MIPOL1: variants seen among roughly 807,000 people sequenced by gnomAD.
MIPOL1 encodes mirror-image polydactyly gene 1 protein.
A neutral mutation model predicts 60.9 loss-of-function variants in MIPOL1; 57 were observed. That is an observed-to-expected ratio of 0.94 (90% CI 0.76 to 1.17). MIPOL1 has a LOEUF of 1.17. Ranked by LOEUF, MIPOL1 falls within the 50% of genes most tolerant of loss-of-function variation. MIPOL1 has a pLI of 0.00. For synonymous variants in MIPOL1, 179 were observed against 168.8 expected (o/e 1.06, Z -0.47); for missense variants, 551 against 511.6 (o/e 1.08, Z -0.74).
At chr14:37,228,325 CTTT>C (rs397961053) in intron 1 of MIPOL1, among the ~76,000 whole-genome samples, 7 of 105,176 alleles carry the variant, frequency 6.7e-5, no homozygotes, top group East Asian at 2.7e-4. Flanking sequence ...TCTTTCTTTT[CTTT>C]TTTTTTTTTT....
intron 10 of MIPOL1, among the ~76,000 whole-genome samples, chr14:37,393,874 A>C (rs949453891): frequency 6.7e-6 from 1 of 150,100 alleles, no homozygotes; most frequent in Admixed American, 6.7e-5. Context: ...CAAGTCCCCA[A>C]AGTCCATTGT....
intron 12 of MIPOL1, among the ~76,000 whole-genome samples, chr14:37,515,215 C>A (rs1370244912): frequency 1.3e-5 from 2 of 151,666 alleles, no homozygotes; most frequent in African/African-American, 2.4e-5. Context: ...TGAAGCATAT[C>A]TTCTTTCTTC....
intron 10 of MIPOL1, among the ~76,000 whole-genome samples, chr14:37,415,536 G>A (rs989549454): frequency 2.6e-4 from 39 of 151,210 alleles, no homozygotes; most frequent in African/African-American, 7.5e-4. Context: ...GGCTGAGGCC[G>A]GAGAATGGCG....
At chr14:37,350,624 C>T (rs945018839) in intron 9 of MIPOL1, among the ~76,000 whole-genome samples, 2 of 152,050 alleles carry the variant, frequency 1.3e-5, no homozygotes, top group African/African-American at 4.8e-5. Context: ...TACAAGTTAT[C>T]ATTGATTATA....
At chr14:37,279,729 G>T (rs1427044421) in intron 6 of MIPOL1, among the ~76,000 whole-genome samples, 1 of 151,944 alleles carries the variant, frequency 6.6e-6, no homozygotes, top group Non-Finnish European at 1.5e-5. Context: ...TACATACATT[G>T]TGAAATGATC....
intron 10 of MIPOL1, chr14:37,399,917 A>G (rs1327617482): frequency 2.0e-5 from 3 of 152,152 alleles, no homozygotes; most frequent in African/African-American, 4.8e-5. Flanking sequence ...TTTACATCCC[A>G]TGGAGAAGTT....
intron 3 of MIPOL1, among the ~76,000 whole-genome samples, chr14:37,251,401 C>T (rs1481132978): frequency 1.3e-5 from 2 of 151,796 alleles, no homozygotes; most frequent in Non-Finnish European, 2.9e-5. Flanking sequence ...AAAAACAGTC[C>T]TGAATGAATG....
intron 9 of MIPOL1, among the ~76,000 whole-genome samples, chr14:37,337,351 T>TG (rs2090221912): frequency 7.8e-5 from 3 of 38,578 alleles, no homozygotes; most frequent in African/African-American, 3.6e-4. Flanking sequence ...TATATATATA[T>TG]ATATATTTTT....
chr14:37,505,034 C>G (rs1594775148), intron 12 of MIPOL1: 1 of 151,998 alleles, frequency 6.6e-6, no homozygotes, highest in Non-Finnish European at 1.5e-5. Flanking sequence ...ACACATACAC[C>G]CTCCCAAGAC....
downstream of MIPOL1, chr14:37,552,042 A>G (rs1284501973): frequency 6.6e-6 from 1 of 152,128 alleles, no homozygotes; most frequent in Non-Finnish European, 1.5e-5. Context: ...CAATCATGAT[A>G]AGGTAAATGT....
At chr14:37,268,425 A>G (rs2083040815) in intron 4 of MIPOL1, among the ~76,000 whole-genome samples, 1 of 152,100 alleles carries the variant, frequency 6.6e-6, no homozygotes, top group Admixed American at 6.6e-5. Flanking sequence ...TGTACGTGGT[A>G]AATAGAGCTG....
Position 37,306,720 on chromosome 14 carries a change from A to G in MIPOL1, c.624-1336A>G, listed in dbSNP as rs1251191358. 2.0e-5 allele frequency among the ~76,000 whole-genome samples: 3 copies of G among 151,818 alleles called. No individual in the cohort carries two copies. The East Asian group carries it at 5.8e-4, about 29-fold the overall frequency. On this transcript the variant is annotated intron_variant, in intron 7 of 12. Coordinates refer to ENST00000684589, the MANE Select transcript of MIPOL1 (RefSeq NM_001388067.1). Reference sequence around the variant, plus strand: ...ATAAATGTAAGAATTTTATTATCTTATACTTTTCTGTTAGGTTTTTCAATT... The same window carrying G: ...ATAAATGTAAGAATTTTATTATCTTGTACTTTTCTGTTAGGTTTTTCAATT...
At chr14:37,364,244 G>A (rs1239492437) in intron 9 of MIPOL1, among the ~76,000 whole-genome samples, 1 of 152,324 alleles carries the variant, frequency 6.6e-6, no homozygotes, top group Non-Finnish European at 1.5e-5. Flanking sequence ...GCAGACTGGA[G>A]CTGTTCCTAT....
chr14:37,362,901 G>T lies in MIPOL1; in HGVS notation c.829-6616G>T, dbSNP rs150685182. Among the ~76,000 whole-genome samples, 775 of 152,066 alleles carry T rather than the reference G, an allele frequency of 5.1e-3. 5 individuals are homozygous for T. The highest frequency in any genetic ancestry group is 0.018 in the African/African-American group (728 of 41,460). ...ACCCTTTCTTCCACTTGATTGAATC[G>T]GCTATTGAAGCTTGTGCATGTGTCA... On this transcript the variant is annotated intron_variant, in intron 9 of 12. Coordinates refer to ENST00000684589, the MANE Select transcript of MIPOL1 (RefSeq NM_001388067.1).
intron 9 of MIPOL1, among the ~76,000 whole-genome samples, chr14:37,354,069 C>G (rs1236171693): frequency 6.6e-6 from 1 of 150,624 alleles, no homozygotes; most frequent in African/African-American, 2.4e-5. Flanking sequence ...CCTCTACACA[C>G]TGCTTTGAAT....
intron 11 of MIPOL1, among the ~76,000 whole-genome samples, chr14:37,457,176 C>A (rs1472542080): frequency 6.6e-6 from 1 of 152,046 alleles, no homozygotes; most frequent in African/African-American, 2.4e-5. Flanking sequence ...AGATAAGAGC[C>A]TCTTAGACCA....
chr14:37,536,594 A>G (rs1047676680), intron 12 of MIPOL1, among the ~76,000 whole-genome samples: 3 of 152,190 alleles, frequency 2.0e-5, no homozygotes, highest in African/African-American at 7.2e-5. Context: ...TCATTCGGGT[A>G]CATTTCTGCT....
chr14:37,395,266 T>A (rs2093349727), intron 10 of MIPOL1, among the ~76,000 whole-genome samples: 1 of 152,186 alleles, frequency 6.6e-6, no homozygotes, highest in South Asian at 2.1e-4. Flanking sequence ...TTAGAATTGC[T>A]TTTTCTAATT....
At chr14:37,499,820 AGATTCTAAATG>A in intron 11 of MIPOL1, 77 bp from the exon 12 acceptor site, 2 of 563,332 alleles carry the variant, frequency 3.6e-6, no homozygotes, top group Non-Finnish European at 6.0e-6. Context: ...TTAGAACTAG[AGATTCTAAATG>A]GAGGTTTTTG....
Sources: allele counts gnomAD v4.1 joint callset (sites outside exome capture counted in the v4.1 genomes callset), GRCh38; gene constraint gnomAD v4.1.1; transcripts MANE v1.5; gene names NCBI Gene and HGNC (gene_info 2026-07-23, HGNC 2026-07-21).